The following ZBTB20 variants were observed in gnomAD, a reference collection of about 807,000 sequenced individuals.
The protein encoded by ZBTB20 is zinc finger and BTB domain containing 20, also known as zinc finger and BTB domain-containing protein 20.
A neutral mutation model predicts 56.9 loss-of-function variants in ZBTB20; 9 were observed. That is an observed-to-expected ratio of 0.16 (90% CI 0.10 to 0.28). The LOEUF is 0.28. ZBTB20 is among the 10% of genes least tolerant of loss of function. The pLI is 1.00. For missense variants in ZBTB20, 655 were observed against 1,003.0 expected (o/e 0.65, Z 4.69); for synonymous variants, 417 against 420.7 (o/e 0.99, Z 0.11).
chr3:115,064,487 C>T (rs914606343), intron 2 of ZBTB20, among the ~76,000 whole-genome samples: 1 of 114,010 alleles, frequency 8.8e-6, no homozygotes, highest in South Asian at 3.0e-4. Context: ...ATTTCGCTCT[C>T]GTTTCCCAGG....
At chr3:115,033,971 C>T (rs753031153) in intron 2 of ZBTB20, among the ~76,000 whole-genome samples, 3 of 151,664 alleles carry the variant, frequency 2.0e-5, no homozygotes, top group African/African-American at 7.3e-5. Context: ...CAACATAATA[C>T]ACCACATTAA....
chr3:114,987,118 A>G (rs1429353511), intron 2 of ZBTB20, among the ~76,000 whole-genome samples: 2 of 152,192 alleles, frequency 1.3e-5, no homozygotes, highest in African/African-American at 4.8e-5. Flanking sequence ...TTTTTAAAAT[A>G]AAATGAGAAA....
At chr3:115,106,764 A>T (rs1323176989) in intron 1 of ZBTB20, among the ~76,000 whole-genome samples, 2 of 152,138 alleles carry the variant, frequency 1.3e-5, no homozygotes, top group African/African-American at 2.4e-5. Flanking sequence ...CTCTCTCCCT[A>T]CAAGACTAAG....
chr3:114,434,558 T>TGTGTGTGTGTGTGTGTG (rs1576744101), intron 7 of ZBTB20, among the ~76,000 whole-genome samples: 8 of 146,050 alleles, frequency 5.5e-5, no homozygotes, highest in Admixed American at 4.8e-4. Context: ...GTGTGTGTGT[T>TGTGTGTGTGTGTGTGTG]TGTGTGTGTG....
At chr3:114,416,287 T>C (rs971074263) in intron 7 of ZBTB20, among the ~76,000 whole-genome samples, 41 of 151,056 alleles carry the variant, frequency 2.7e-4, no homozygotes, top group African/African-American at 9.5e-4. Context: ...CTGATCATTG[T>C]GGTCAGACAT....
At chr3:115,031,495 C>T (rs1168932312) in intron 2 of ZBTB20, among the ~76,000 whole-genome samples, 1 of 151,294 alleles carries the variant, frequency 6.6e-6, no homozygotes, top group Non-Finnish European at 1.5e-5. Context: ...TGATATAATT[C>T]AAAGTTTTCC....
At chr3:114,935,705 A>G (rs2076509932) in intron 3 of ZBTB20, among the ~76,000 whole-genome samples, 1 of 152,176 alleles carries the variant, frequency 6.6e-6, no homozygotes, top group African/African-American at 2.4e-5. Flanking sequence ...GTCTTTGTTC[A>G]GCTCCATCTT....
chr3:114,881,472 G>C lies in ZBTB20; in HGVS notation c.-417+18832C>G, dbSNP rs566087527. Among the ~76,000 whole-genome samples, 8 of 152,050 alleles carry C rather than the reference G, an allele frequency of 5.3e-5. No individual in the cohort carries two copies. The South Asian group carries it at 1.7e-3, about 32-fold the overall frequency. Reference sequence around the variant, plus strand: ...TGCTTTTGTTAAGTAAATAAAATTAGTATTACCATATGAACTGGATTTGCT... The same window carrying C: ...TGCTTTTGTTAAGTAAATAAAATTACTATTACCATATGAACTGGATTTGCT... On this transcript the variant is annotated intron_variant, in intron 4 of 11. Transcript: ENST00000675478.
At chr3:114,800,477 T>C (rs1462910888) in intron 5 of ZBTB20, among the ~76,000 whole-genome samples, 3 of 151,900 alleles carry the variant, frequency 2.0e-5, no homozygotes, top group African/African-American at 7.2e-5. Flanking sequence ...AATGGGGCTC[T>C]GAGAGACAGC....
At chr3:114,591,059 A>G (rs1395845130) in intron 6 of ZBTB20, among the ~76,000 whole-genome samples, 1 of 152,204 alleles carries the variant, frequency 6.6e-6, no homozygotes, top group Non-Finnish European at 1.5e-5. Context: ...AACAGCTACT[A>G]TTAGCGCTCT....
chr3:114,834,948 T>A (rs940200458), intron 4 of ZBTB20, among the ~76,000 whole-genome samples: 2 of 152,166 alleles, frequency 1.3e-5, no homozygotes, highest in Non-Finnish European at 2.9e-5. Context: ...ATTTTCTCAT[T>A]CCATTCTTAA....
chr3:114,710,250 T>C (rs1198626718), intron 5 of ZBTB20: 1 of 152,188 alleles, frequency 6.6e-6, no homozygotes, highest in Non-Finnish European at 1.5e-5. Context: ...TCATATAATA[T>C]GGGACATGTA....
chr3:114,918,573 A>G (rs1477847375), intron 3 of ZBTB20, among the ~76,000 whole-genome samples: 1 of 152,152 alleles, frequency 6.6e-6, no homozygotes, highest in Non-Finnish European at 1.5e-5. Flanking sequence ...CTCTTTAGTC[A>G]GCAGGTGATG....
chr3:114,990,181 C>T (rs999801122), intron 2 of ZBTB20, among the ~76,000 whole-genome samples: 23 of 152,028 alleles, frequency 1.5e-4, no homozygotes, highest in African/African-American at 3.6e-4. Context: ...GTCTTGTGCC[C>T]GTTTTCAAAG....
intron 7 of ZBTB20, among the ~76,000 whole-genome samples, chr3:114,486,675 A>T (rs956574430): frequency 1.3e-5 from 2 of 152,152 alleles, no homozygotes; most frequent in Non-Finnish European, 2.9e-5. Flanking sequence ...ATTTAGGTGT[A>T]CCTTTCACTC....
rs1296397071 is a variant in ZBTB20 at position 114,329,543 on chromosome 3, T to A, written c.*9462A>T. 1 of 151,846 alleles carries A rather than the reference T, an allele frequency of 6.6e-6. No homozygotes were observed. Among genetic ancestry groups the A allele is most frequent in the African/African-American group, 2.4e-5 (1 of 41,326 alleles). 9.4% of individuals were successfully genotyped at this position (151,846 alleles called of 1,614,324 possible). On this transcript the variant is annotated 3_prime_UTR_variant, in exon 12 of 12. Transcript: ENST00000675478. ...CCAACTAAAGAAGAAAGGCACCAAA[T>A]CCTCACTTTAACAGGTAAATGGAGA... is the stretch of plus-strand genomic sequence containing the variant.
chr3:114,451,464 T>G (rs1257391566), intron 7 of ZBTB20, among the ~76,000 whole-genome samples: 1 of 152,082 alleles, frequency 6.6e-6, no homozygotes, highest in Non-Finnish European at 1.5e-5. Context: ...CCAAAAAGCC[T>G]AGAATGAGGT....
intron 7 of ZBTB20, among the ~76,000 whole-genome samples, chr3:114,401,395 G>A (rs1483544268): frequency 6.6e-6 from 1 of 152,028 alleles, no homozygotes; most frequent in Non-Finnish European, 1.5e-5. Context: ...AAAACAGAGT[G>A]GGGTGAAAAT....
chr3:114,356,748 G>C (rs2081296286), intron 10 of ZBTB20, among the ~76,000 whole-genome samples: 1 of 152,084 alleles, frequency 6.6e-6, no homozygotes, highest in South Asian at 2.1e-4. Flanking sequence ...CCCCTGCCTG[G>C]GGTAAGACTT....
Sources: allele counts gnomAD v4.1 joint callset (sites outside exome capture counted in the v4.1 genomes callset), GRCh38; gene constraint gnomAD v4.1.1; transcripts MANE v1.5; gene names NCBI Gene and HGNC (gene_info 2026-07-23, HGNC 2026-07-21).